Variants in STK3 observed in about 807,000 individuals in gnomAD.
STK3 encodes the protein serine/threonine kinase 3, also known as serine/threonine-protein kinase 3.
A neutral mutation model predicts 58.0 loss-of-function variants in STK3; 41 were observed. The observed-to-expected ratio is 0.71, with a 90% CI of 0.55 to 0.92. The LOEUF is 0.92. STK3 is among the 40% of genes least tolerant of loss of function. The pLI is 0.00. For synonymous variants in STK3, 170 were observed against 191.0 expected (o/e 0.89, Z 0.91); for missense variants, 479 against 602.7 (o/e 0.79, Z 2.15).
intron 3 of STK3, among the ~76,000 whole-genome samples, chr8:98,856,844 C>T (rs1343611333): frequency 5.9e-5 from 9 of 152,138 alleles, no homozygotes; most frequent in South Asian, 2.1e-4. Flanking sequence ...AAATGTGGTA[C>T]ATCTATGTAA....
intron 3 of STK3, among the ~76,000 whole-genome samples, chr8:98,835,412 C>T (rs1418660176): frequency 6.6e-6 from 1 of 152,176 alleles, no homozygotes; most frequent in Admixed American, 6.5e-5. Flanking sequence ...CATATGTTCC[C>T]TCTGCAGGCT....
intron 1 of STK3, among the ~76,000 whole-genome samples, chr8:98,813,770 C>T (rs1350839475): frequency 6.6e-6 from 1 of 152,168 alleles, no homozygotes; most frequent in Non-Finnish European, 1.5e-5. Flanking sequence ...ATCCCTAAGA[C>T]ATGTTATTAC....
intron 1 of STK3, among the ~76,000 whole-genome samples, chr8:98,783,285 C>A (rs1587610223): frequency 1.3e-5 from 2 of 152,110 alleles, no homozygotes; most frequent in Admixed American, 6.6e-5. Flanking sequence ...TCTGAAAAAA[C>A]AACGTACATA....
chr8:98,436,597 C>CT (rs1818499213), intron 2 of STK3: 1 of 152,192 alleles, frequency 6.6e-6, no homozygotes, highest in Non-Finnish European at 1.5e-5. Context: ...TTGCCAAGTA[C>CT]CATGTTAGAT....
chr8:98,360,480 C>T, the STK3 span, among the ~76,000 whole-genome samples: 18 of 151,856 alleles, frequency 1.2e-4, no homozygotes, highest in Non-Finnish European at 1.8e-4. Flanking sequence ...TCCAAGGCTA[C>T]GAAGACAACC....
intron 1 of STK3, among the ~76,000 whole-genome samples, chr8:98,448,647 T>G (rs965249475): frequency 6.6e-6 from 1 of 152,202 alleles, no homozygotes; most frequent in African/African-American, 2.4e-5. Context: ...TATAAAAATT[T>G]AAAAGACAAC....
intron 7 of STK3, among the ~76,000 whole-genome samples, chr8:98,584,018 G>T (rs1814195052): frequency 6.6e-6 from 1 of 151,896 alleles, no homozygotes; most frequent in Non-Finnish European, 1.5e-5. Flanking sequence ...AAAAAAGTAT[G>T]TCTTTTAATT....
chr8:98,925,800 T>C (rs1335937167), intron 1 of STK3, among the ~76,000 whole-genome samples: 1 of 152,158 alleles, frequency 6.6e-6, no homozygotes, highest in Non-Finnish European at 1.5e-5. Flanking sequence ...AGGAACCCGC[T>C]GCAGCTGCAA....
chr8:98,819,926 A>C (rs1834778302), intron 1 of STK3, among the ~76,000 whole-genome samples: 1 of 152,094 alleles, frequency 6.6e-6, no homozygotes, highest in Non-Finnish European at 1.5e-5. Context: ...TCCATTCATA[A>C]GCGCTGAGAG....
At chr8:98,825,409 G>T in intron 1 of STK3, 106 bp downstream of exon 1, 1 of 1,093,256 alleles carries the variant, frequency 9.1e-7, no homozygotes, top group Non-Finnish European at 1.2e-6. Flanking sequence ...CCCGGCTCGG[G>T]GCCCGGCGGG....
At chr8:98,662,862 TC>T (rs1347059132) in intron 6 of STK3, among the ~76,000 whole-genome samples, 1 of 151,988 alleles carries the variant, frequency 6.6e-6, no homozygotes, top group African/African-American at 2.4e-5. Flanking sequence ...TGTGTGATGT[TC>T]CCCTTCCTGT....
chr8:98,509,304 T>C (rs1436710694), intron 10 of STK3, among the ~76,000 whole-genome samples: 1 of 152,066 alleles, frequency 6.6e-6, no homozygotes, highest in East Asian at 1.9e-4. Context: ...TCTCAGAAAT[T>C]ACACTTATAA....
At chr8:98,906,132 A>C (rs930023807) in intron 1 of STK3, 1 of 153,784 alleles carries the variant, frequency 6.5e-6, no homozygotes, top group African/African-American at 2.4e-5. Flanking sequence ...TTGATTTAAC[A>C]ATCTTAATAA....
At chr8:98,919,414 G>A (rs965191386) in intron 1 of STK3, among the ~76,000 whole-genome samples, 1 of 152,048 alleles carries the variant, frequency 6.6e-6, no homozygotes, top group African/African-American at 2.4e-5. Flanking sequence ...AAAAACCGCT[G>A]TCAGTTCTAA....
chr8:98,875,945 G>T (rs934251385), intron 3 of STK3, among the ~76,000 whole-genome samples: 3 of 152,186 alleles, frequency 2.0e-5, no homozygotes, highest in Admixed American at 1.3e-4. Flanking sequence ...CATCACAGTA[G>T]CAGATGCTTA....
chr8:98,461,253 T>G (rs1421017412), intron 10 of STK3, among the ~76,000 whole-genome samples: 2 of 152,208 alleles, frequency 1.3e-5, no homozygotes, highest in East Asian at 3.8e-4. Flanking sequence ...CTTTGTCTTT[T>G]TTTTTTACTG....
the STK3 span, among the ~76,000 whole-genome samples, chr8:98,359,742 C>T: frequency 6.6e-6 from 1 of 152,092 alleles, no homozygotes; most frequent in African/African-American, 2.4e-5. Flanking sequence ...GGCTCGCATA[C>T]CCCAAATCTT....
At chr8:98,362,790 G>GC in the STK3 span, among the ~76,000 whole-genome samples, 2 of 152,306 alleles carry the variant, frequency 1.3e-5, no homozygotes, top group African/African-American at 4.8e-5. Flanking sequence ...GGGCTGTGCA[G>GC]AAGAGGCCGC....
the STK3 span, among the ~76,000 whole-genome samples, chr8:98,351,604 T>C: frequency 6.6e-6 from 1 of 152,180 alleles, no homozygotes; most frequent in Non-Finnish European, 1.5e-5. Flanking sequence ...CTTTCTCTGC[T>C]ATATAACAGA....
Sources: gnomAD v4.1 joint callset for allele counts (sites outside exome capture counted in the v4.1 genomes callset) on GRCh38, gnomAD v4.1.1 for gene constraint, MANE v1.5 for transcripts, NCBI Gene and HGNC (gene_info 2026-07-23, HGNC 2026-07-21) for gene names.